The following DMRT1 variants were observed in gnomAD, a reference collection of about 807,000 sequenced individuals.
DMRT1 encodes doublesex- and mab-3-related transcription factor 1.
Under a neutral mutation model 32.3 loss-of-function variants are expected in DMRT1, and 7 were observed. The observed-to-expected ratio is 0.22, with a 90% confidence interval of 0.12 to 0.41. The LOEUF (loss-of-function observed/expected upper bound fraction) is 0.41. DMRT1 is among the 10% of genes least tolerant of loss of function. The pLI is 1.00. For missense variants in DMRT1, 625 were observed against 500.5 expected, an observed-to-expected ratio of 1.25 and a Z score of -2.37; for synonymous variants, 278 against 206.1, an observed-to-expected ratio of 1.35 and a Z score of -2.99.
chr9:886,622 G>T (rs901290512), intron 2 of DMRT1, among the ~76,000 whole-genome samples: 3 of 151,910 alleles, frequency 2.0e-5, no homozygotes, highest in Non-Finnish European at 1.5e-5. Context: ...ATATGGTTGG[G>T]GGAGCTTATT....
chr9:876,182 C>A (rs1816492991), intron 2 of DMRT1, among the ~76,000 whole-genome samples: 1 of 152,134 alleles, frequency 6.6e-6, no homozygotes, highest in African/African-American at 2.4e-5. Context: ...AACAGCACAA[C>A]ATAGTTAGGT....
intron 4 of DMRT1, among the ~76,000 whole-genome samples, chr9:932,696 G>A (rs556540277): frequency 6.6e-6 from 1 of 152,244 alleles, no homozygotes; most frequent in South Asian, 2.1e-4. Flanking sequence ...TGAAAATGGG[G>A]TGCCCAGGTT....
intron 2 of DMRT1, among the ~76,000 whole-genome samples, chr9:871,433 C>T (rs1437747168): frequency 4.0e-5 from 6 of 149,968 alleles, no homozygotes; most frequent in South Asian, 2.1e-4. Context: ...CCCGGGTTCA[C>T]GCCATTCTCC....
intron 2 of DMRT1, among the ~76,000 whole-genome samples, chr9:875,838 C>T (rs779473836): frequency 3.3e-5 from 5 of 152,098 alleles, no homozygotes; most frequent in African/African-American, 4.8e-5. Flanking sequence ...TATATATTTA[C>T]GCTCATATCC....
intron 4 of DMRT1, among the ~76,000 whole-genome samples, chr9:919,902 G>A (rs1308961618): frequency 1.3e-5 from 2 of 152,208 alleles, no homozygotes; most frequent in Non-Finnish European, 1.5e-5. Context: ...GAAGAGAGGA[G>A]TGAAGGATGA....
chr9:894,153 C>T lies in DMRT1; in HGVS notation c.780C>T (p.Leu260=), dbSNP rs1817261077. 2 of 1,614,072 alleles carry T rather than the reference C, an allele frequency of 1.2e-6. No homozygotes were observed. Among genetic ancestry groups the T allele is most frequent in the Admixed American group, 1.7e-5 (1 of 60,032 alleles). Reference sequence around the variant, plus strand: ...CTGTGAAGAACAGCCTTCGGGGCCTCCCCGGACCTTATGTGCCTGGTCAGA... The same window carrying T: ...CTGTGAAGAACAGCCTTCGGGGCCTTCCCGGACCTTATGTGCCTGGTCAGA... ...GSPVKNSLRG[L]PGPYVPGQTG... Residue 260 remains leucine (L), a synonymous_variant, in exon 3 of 5, where the codon CTC becomes CTT. Coordinates refer to ENST00000382276, the MANE Select transcript of DMRT1 (RefSeq NM_021951.3).
intron 4 of DMRT1, among the ~76,000 whole-genome samples, chr9:923,078 C>G (rs1003439336): frequency 5.3e-5 from 8 of 152,198 alleles, no homozygotes; most frequent in African/African-American, 1.9e-4. Flanking sequence ...CCATAGGCCT[C>G]TCCTTCAGGA....
In DMRT1 at chr9:849,601, A is replaced by AG. The variant is rs895073287; in HGVS notation, c.538+2464dup. On this transcript the variant is annotated intron_variant, in intron 2 of 4. Coordinates refer to ENST00000382276, the MANE Select transcript of DMRT1 (RefSeq NM_021951.3). ...AGGGAAAGTTACAAAAGGAAGCAGT[A>AG]GGGGGGCAAGATAGAGGGTTCAGGG... 1.2e-4 allele frequency among the ~76,000 whole-genome samples: 19 copies of AG among 152,330 alleles called. 1 individual carries two copies. Among genetic ancestry groups the AG allele is most frequent in the Middle Eastern group, 3.4e-3 (1 of 294 alleles).
At chr9:881,665 G>A (rs1816740642) in intron 2 of DMRT1, among the ~76,000 whole-genome samples, 1 of 152,222 alleles carries the variant, frequency 6.6e-6, no homozygotes, top group African/African-American at 2.4e-5. Flanking sequence ...CATGTACACA[G>A]TCAGTCAAAC....
At chr9:957,414 T>C (rs559640905) in intron 4 of DMRT1, among the ~76,000 whole-genome samples, 1 of 152,370 alleles carries the variant, frequency 6.6e-6, no homozygotes, top group East Asian at 1.9e-4. Flanking sequence ...TGGAGTCTTA[T>C]GCAATGTATA....
intron 3 of DMRT1, among the ~76,000 whole-genome samples, chr9:904,062 G>A (rs1817683902): frequency 6.6e-6 from 1 of 152,238 alleles, no homozygotes; most frequent in African/African-American, 2.4e-5. Flanking sequence ...ATCGGAGGCA[G>A]AAGCATATTA....
chr9:873,097 C>T (rs955986221), intron 2 of DMRT1, among the ~76,000 whole-genome samples: 27 of 152,134 alleles, frequency 1.8e-4, no homozygotes, highest in Non-Finnish European at 3.4e-4. Flanking sequence ...TAAAATTAAC[C>T]ATCACACCAT....
At chr9:845,283 C>G (rs1838858735) in intron 1 of DMRT1, among the ~76,000 whole-genome samples, 1 of 152,040 alleles carries the variant, frequency 6.6e-6, no homozygotes, top group South Asian at 2.1e-4. Flanking sequence ...GATTTCGGCT[C>G]ACTGCAACCT....
chr9:945,740 C>CTT (rs33925005), intron 4 of DMRT1, among the ~76,000 whole-genome samples: 36 of 134,168 alleles, frequency 2.7e-4, no homozygotes, highest in African/African-American at 7.6e-4. Flanking sequence ...AAAATACACA[C>CTT]TTTTTTTTTT....
At chr9:950,870 A>G (rs375566999) in intron 4 of DMRT1, among the ~76,000 whole-genome samples, 1 of 152,178 alleles carries the variant, frequency 6.6e-6, no homozygotes, top group Non-Finnish European at 1.5e-5. Context: ...ACTTTTTGTT[A>G]CTACAAAAAT....
At chr9:846,275 G>C (rs1021198481) in intron 1 of DMRT1, among the ~76,000 whole-genome samples, 35 of 151,774 alleles carry the variant, frequency 2.3e-4, no homozygotes, top group Admixed American at 2.3e-3. Flanking sequence ...TCCGGTGATC[G>C]GCCCACCTCT....
intron 3 of DMRT1, among the ~76,000 whole-genome samples, chr9:907,232 C>G (rs1817807990): frequency 6.6e-6 from 1 of 152,186 alleles, no homozygotes; most frequent in African/African-American, 2.4e-5. Context: ...TTTTAATTTC[C>G]TTTCTCTCCA....
intron 2 of DMRT1, among the ~76,000 whole-genome samples, chr9:871,116 A>G (rs1051756816): frequency 6.6e-6 from 1 of 152,094 alleles, no homozygotes; most frequent in South Asian, 2.1e-4. Flanking sequence ...GGCACATTGC[A>G]ACCTTCGCCT....
At chr9:847,446 C>T (rs751949760) in intron 2 of DMRT1, among the ~76,000 whole-genome samples, 1 of 152,178 alleles carries the variant, frequency 6.6e-6, no homozygotes, top group Non-Finnish European at 1.5e-5. Context: ...CTTCATTTTC[C>T]AGTCATCCTT....
Sources: allele counts gnomAD v4.1 joint callset (sites outside exome capture counted in the v4.1 genomes callset), GRCh38; gene constraint gnomAD v4.1.1; transcripts MANE v1.5; gene names NCBI Gene and HGNC (gene_info 2026-07-23, HGNC 2026-07-21).